GNA14: variants seen among roughly 807,000 people sequenced by gnomAD.
The protein encoded by GNA14 is G protein subunit alpha 14, also known as guanine nucleotide-binding protein subunit alpha-14.
Under a neutral mutation model 42.0 loss-of-function variants are expected in GNA14, and 50 were observed. The observed-to-expected ratio is 1.19, with a 90% CI of 0.95 to 1.51. The LOEUF is 1.51. Among genes scored for constraint, GNA14 ranks in the 40% most tolerant of loss-of-function variants. GNA14 has a pLI of 0.00. For synonymous variants in GNA14, 173 were observed against 163.1 expected (o/e 1.06, Z -0.46); for missense variants, 473 against 446.2 (o/e 1.06, Z -0.54).
chr9:77,528,343 T>A (rs1837474256), intron 2 of GNA14, among the ~76,000 whole-genome samples: 1 of 152,150 alleles, frequency 6.6e-6, no homozygotes, highest in Non-Finnish European at 1.5e-5. Flanking sequence ...AATAAACTCT[T>A]ATTTCTAATC....
At chr9:77,547,848 T>C (rs957909585) in intron 1 of GNA14, among the ~76,000 whole-genome samples, 2 of 152,214 alleles carry the variant, frequency 1.3e-5, no homozygotes, top group Admixed American at 6.5e-5. Context: ...CATCATTTGT[T>C]GTGAGAATGA....
At chr9:77,484,163 T>C (rs1162648681) in intron 2 of GNA14, among the ~76,000 whole-genome samples, 5 of 152,148 alleles carry the variant, frequency 3.3e-5, no homozygotes, top group Non-Finnish European at 7.4e-5. Context: ...AGTGTCATAA[T>C]CAGAACTTGC....
In GNA14 at chr9:77,424,120, G is replaced by A; in HGVS notation, c.927C>T (p.Tyr309=). ...RAARDFILKL[Y]QDQNPDKEKV... is the part of the protein sequence containing the mutation. ...TCTCTTTGTCAGGATTCTGATCTTG[G>A]TAAAGCTTCAGGATAAAGTCTCTGG... The change falls in exon 7 of 7, where the codon TAC becomes TAT. Residue 309 remains tyrosine (Y), a synonymous_variant. Transcript: ENST00000341700. The A allele has an allele frequency of 6.2e-7, 1 of 1,612,800 alleles. No homozygotes were observed. The highest frequency in any genetic ancestry group is 8.5e-7 in the Non-Finnish European group (1 of 1,179,216).
intron 1 of GNA14, among the ~76,000 whole-genome samples, chr9:77,612,306 A>G (rs886067899): frequency 1.2e-4 from 19 of 152,138 alleles, no homozygotes; most frequent in Non-Finnish European, 1.5e-5. Context: ...CTCACCAAAC[A>G]TTAAAGCTAC....
chr9:77,606,882 G>A (rs7868103), intron 1 of GNA14, among the ~76,000 whole-genome samples: 1 of 151,934 alleles, frequency 6.6e-6, no homozygotes, highest in Admixed American at 6.6e-5. Flanking sequence ...GGATGCAGAC[G>A]CCAGGTTGGG....
At chr9:77,608,830 ACTC>A (rs1324807341) in intron 1 of GNA14, among the ~76,000 whole-genome samples, 1 of 143,034 alleles carries the variant, frequency 7.0e-6, no homozygotes, top group Non-Finnish European at 1.5e-5. Flanking sequence ...TCTTTCAGTC[ACTC>A]CTGTTTATTT....
intron 1 of GNA14, among the ~76,000 whole-genome samples, chr9:77,562,498 C>A (rs1025082362): frequency 6.6e-6 from 1 of 151,986 alleles, no homozygotes; most frequent in African/African-American, 2.4e-5. Flanking sequence ...AAATGGGAGG[C>A]TGATCCAGTA....
Position 77,529,122 on chromosome 9 carries a change from T to C in GNA14, c.256A>G (p.Met86Val). The C allele has an allele frequency of 6.2e-7, 1 of 1,614,242 alleles. No homozygotes were observed. Among genetic ancestry groups the C allele is most frequent in the Non-Finnish European group, 8.5e-7 (1 of 1,180,030 alleles). The change falls in exon 2 of 7, where the codon ATG becomes GTG. Residue 86 changes from methionine (M) to valine (V), a missense_variant. Met to Val is a conservative substitution (Grantham distance 21). Transcript: ENST00000341700. ...YQNIFTAMQAMIRAMDTLRIQ... is the reference protein window; with the variant it reads ...YQNIFTAMQAVIRAMDTLRIQ... ...CTTAGCGTGTCCATCGCTCTGATCA[T>C]GGCTTGCATGGCGGTGAATATGTTT...
At chr9:77,538,460 C>T (rs141283538) in intron 1 of GNA14, among the ~76,000 whole-genome samples, 9 of 151,978 alleles carry the variant, frequency 5.9e-5, no homozygotes, top group African/African-American at 2.2e-4. Flanking sequence ...TTTTCTCATG[C>T]CGTGAAATAT....
At chr9:77,606,504 C>T (rs764963112) in intron 1 of GNA14, among the ~76,000 whole-genome samples, 36 of 152,240 alleles carry the variant, frequency 2.4e-4, no homozygotes, top group Non-Finnish European at 4.6e-4. Context: ...AGTGAATGGC[C>T]ATTATCACTA....
At chr9:77,577,068 C>T (rs2131799445) in intron 1 of GNA14, among the ~76,000 whole-genome samples, 1 of 152,306 alleles carries the variant, frequency 6.6e-6, no homozygotes, top group South Asian at 2.1e-4. Context: ...AGTTATACTC[C>T]TATTTTCTGC....
chr9:77,439,253 C>T (rs560790850), intron 2 of GNA14, among the ~76,000 whole-genome samples: 1 of 152,158 alleles, frequency 6.6e-6, no homozygotes, highest in Non-Finnish European at 1.5e-5. Context: ...AGGGAGTACC[C>T]TGTTACCTTT....
chr9:77,564,415 C>T (rs1477636266), intron 1 of GNA14, among the ~76,000 whole-genome samples: 2 of 152,102 alleles, frequency 1.3e-5, no homozygotes, highest in Non-Finnish European at 2.9e-5. Context: ...TGAGGCACTG[C>T]CCAGGATGAG....
chr9:77,595,019 C>G (rs1360801339), intron 1 of GNA14, among the ~76,000 whole-genome samples: 1 of 152,200 alleles, frequency 6.6e-6, no homozygotes, highest in African/African-American at 2.4e-5. Flanking sequence ...TCACCTTTTA[C>G]AAGAAACCAT....
Position 77,425,698 on chromosome 9 carries a change from G to A in GNA14, c.741C>T (p.Ser247=). 2 of 1,605,620 alleles carry A rather than the reference G, an allele frequency of 1.2e-6. No individual in the cohort carries two copies. The highest frequency in any genetic ancestry group is 1.7e-6 in the Non-Finnish European group (2 of 1,176,210). Residue 247 remains serine (S), a synonymous_variant, in exon 6 of 7, where the codon AGC becomes AGT. Transcript: ENST00000341700. ...ECDNENRMEE[S]KALFKTIITY... Reference sequence around the variant, plus strand: ...TGATGATGGTTTTAAATAAGGCTTTGCTCTCTTCCATGCGATTCTAAGTGA... The same window carrying A: ...TGATGATGGTTTTAAATAAGGCTTTACTCTCTTCCATGCGATTCTAAGTGA...
intron 2 of GNA14, among the ~76,000 whole-genome samples, chr9:77,455,956 T>A (rs12340158): frequency 0.14 from 21,562 of 152,206 alleles, 1,701 homozygotes; most frequent in Middle Eastern, 0.19. Flanking sequence ...TGGCACTGAT[T>A]ACTATTTTAA....
At chr9:77,502,804 T>C (rs1266381250) in intron 2 of GNA14, among the ~76,000 whole-genome samples, 1 of 152,100 alleles carries the variant, frequency 6.6e-6, no homozygotes, top group African/African-American at 2.4e-5. Flanking sequence ...TTTGCTGGCA[T>C]GGGTGTGGGT....
At chr9:77,453,669 A>T (rs1265281759) in intron 2 of GNA14, among the ~76,000 whole-genome samples, 1 of 152,238 alleles carries the variant, frequency 6.6e-6, no homozygotes, top group Non-Finnish European at 1.5e-5. Context: ...CCCTGAAGCT[A>T]CAACAGGATT....
Position 77,423,245 on chromosome 9 carries a change from T to C in GNA14, c.*734A>G, listed in dbSNP as rs1235504639. ...CATTTTTAAGATCTGGTCATATACA[T>C]TGGGGGTAAAAATGTACACACACAC... is the stretch of plus-strand genomic sequence containing the variant. On this transcript the variant is annotated 3_prime_UTR_variant, in exon 7 of 7. Transcript: ENST00000341700. 1 of 151,926 alleles carries C rather than the reference T, an allele frequency of 6.6e-6. No individual in the cohort carries two copies. 9.4% of individuals were successfully genotyped at this position (151,926 alleles called of 1,614,324 possible).
Sources: gnomAD v4.1 joint callset for allele counts (sites outside exome capture counted in the v4.1 genomes callset) on GRCh38, gnomAD v4.1.1 for gene constraint, MANE v1.5 for transcripts, NCBI Gene and HGNC (gene_info 2026-07-23, HGNC 2026-07-21) for gene names.